The following FCHSD2 variants were observed in gnomAD, a reference collection of about 807,000 sequenced individuals.
FCHSD2 encodes the protein F-BAR and double SH3 domains protein 2.
Under a neutral mutation model 108.1 loss-of-function variants are expected in FCHSD2, and 38 were observed. The observed-to-expected ratio is 0.35, with a 90% CI of 0.27 to 0.46. The LOEUF (loss-of-function observed/expected upper bound fraction) is 0.46. Ranked by LOEUF, FCHSD2 falls within the 20% of genes least tolerant of loss-of-function variation. The probability of loss-of-function intolerance (pLI) is 1.00; values close to 1 mark genes in which losing one functional copy is unlikely to be tolerated. For synonymous variants in FCHSD2, 279 were observed against 314.7 expected (o/e 0.89, Z 1.20); for missense variants, 751 against 897.8 (o/e 0.84, Z 2.09).
Position 72,902,728 on chromosome 11 carries a change from T to A in FCHSD2, c.829-90A>T, listed in dbSNP as rs142085324. ...GTTTAAGATTTATTCTGCTATTTTC[T>A]ATACAAATGAGAAATCATCCAACAC... On this transcript the variant is annotated intron_variant, in intron 9 of 19. Transcript: ENST00000409418. 2.8e-3 allele frequency: 2,067 copies of A among 739,090 alleles called. 5 individuals are homozygous for A. Among genetic ancestry groups the A allele is most frequent in the Non-Finnish European group, 4.0e-3 (1,899 of 471,386 alleles). 45.8% of individuals were successfully genotyped at this position (739,090 alleles called of 1,614,324 possible). A position where few individuals can be genotyped will look rare whatever the true frequency, so the allele number is the denominator to read the frequency against.
At chr11:73,089,227 A>G (rs1318242089) in intron 2 of FCHSD2, among the ~76,000 whole-genome samples, 1 of 152,236 alleles carries the variant, frequency 6.6e-6, no homozygotes, top group Non-Finnish European at 1.5e-5. Flanking sequence ...ATTCTGAATC[A>G]ATGTCTCATA....
At chr11:73,030,966 G>C (rs963193135) in intron 3 of FCHSD2, among the ~76,000 whole-genome samples, 2 of 151,794 alleles carry the variant, frequency 1.3e-5, no homozygotes, top group African/African-American at 4.8e-5. Flanking sequence ...CTAAGAAACT[G>C]TAGTATACAC....
intron 3 of FCHSD2, among the ~76,000 whole-genome samples, chr11:73,047,663 A>T (rs971134117): frequency 2.0e-5 from 3 of 152,226 alleles, no homozygotes; most frequent in African/African-American, 7.2e-5. Flanking sequence ...TTCTTTCAGA[A>T]ATGGGATTAG....
chr11:72,955,495 C>T (rs911046239), intron 8 of FCHSD2, among the ~76,000 whole-genome samples: 2 of 152,082 alleles, frequency 1.3e-5, no homozygotes, highest in African/African-American at 2.4e-5. Flanking sequence ...TAATGGTGAT[C>T]AAGTCACCCT....
chr11:72,907,038 CT>C (rs1855644368), intron 9 of FCHSD2, among the ~76,000 whole-genome samples: 1 of 151,734 alleles, frequency 6.6e-6, no homozygotes, highest in South Asian at 2.1e-4. Flanking sequence ...TTTGCGTCCT[CT>C]TTTATTTCGT....
intron 5 of FCHSD2, among the ~76,000 whole-genome samples, chr11:72,990,166 G>A (rs1857384425): frequency 6.6e-6 from 1 of 151,920 alleles, no homozygotes; most frequent in Admixed American, 6.6e-5. Context: ...GAAGGAAAAG[G>A]TTAAAAAAAC....
At chr11:73,130,273 G>A (rs76640911) in intron 2 of FCHSD2, among the ~76,000 whole-genome samples, 3,286 of 152,112 alleles carry the variant, frequency 0.022, 75 homozygotes, top group African/African-American at 0.058. Flanking sequence ...TAGAGATAGG[G>A]TCTTGCTAAG....
intron 2 of FCHSD2, among the ~76,000 whole-genome samples, chr11:73,138,903 C>A (rs1278881624): frequency 6.6e-6 from 1 of 152,128 alleles, no homozygotes; most frequent in Non-Finnish European, 1.5e-5. Context: ...TGACTGCGCA[C>A]GGCCTCGCAT....
intron 12 of FCHSD2, among the ~76,000 whole-genome samples, chr11:72,876,800 C>G (rs1021958676): frequency 6.6e-6 from 1 of 152,092 alleles, no homozygotes; most frequent in Non-Finnish European, 1.5e-5. Flanking sequence ...TTGTCTAGTT[C>G]TTCTTTCAGT....
intron 2 of FCHSD2, among the ~76,000 whole-genome samples, chr11:73,116,909 G>C (rs755679255): frequency 6.7e-6 from 1 of 149,224 alleles, no homozygotes; most frequent in Non-Finnish European, 1.5e-5. Context: ...TCTTCGGTAA[G>C]AGTAATTATA....
At chr11:72,941,407 T>C (rs1382059959) in intron 8 of FCHSD2, among the ~76,000 whole-genome samples, 4 of 151,082 alleles carry the variant, frequency 2.6e-5, no homozygotes, top group South Asian at 4.1e-4. Flanking sequence ...ATAATTTTTA[T>C]ATTTATAAAA....
At chr11:73,090,264 C>T (rs1488331467) in intron 2 of FCHSD2, among the ~76,000 whole-genome samples, 5 of 124,240 alleles carry the variant, frequency 4.0e-5, no homozygotes, top group South Asian at 2.5e-4. Flanking sequence ...CTCGCTCTGT[C>T]GCCCAGGCTG....
chr11:72,870,446 A>T (rs1307880414), intron 12 of FCHSD2, among the ~76,000 whole-genome samples: 1 of 152,156 alleles, frequency 6.6e-6, no homozygotes, highest in Non-Finnish European at 1.5e-5. Context: ...AAGACTGAAT[A>T]GGCTCTACCA....
chr11:73,069,892 TC>T (rs1859392377), intron 3 of FCHSD2, among the ~76,000 whole-genome samples: 1 of 152,102 alleles, frequency 6.6e-6, no homozygotes, highest in Non-Finnish European at 1.5e-5. Flanking sequence ...AAATCACTTA[TC>T]AGATTATATA....
intron 8 of FCHSD2, among the ~76,000 whole-genome samples, chr11:72,974,240 C>T (rs962204382): frequency 1.3e-4 from 20 of 152,180 alleles, no homozygotes; most frequent in Admixed American, 2.6e-4. Flanking sequence ...CACGCTGTAT[C>T]ATCCCATGGT....
At chr11:72,841,639 G>C in intron 17 of FCHSD2, 56 bp from the exon 18 acceptor site, 4 of 1,509,318 alleles carry the variant, frequency 2.7e-6, no homozygotes, top group Non-Finnish European at 2.7e-6. Context: ...GGAGAGCCTG[G>C]CTGCTTCTCT....
chr11:72,842,317 G>A (rs1425205701), intron 17 of FCHSD2, among the ~76,000 whole-genome samples: 1 of 152,182 alleles, frequency 6.6e-6, no homozygotes, highest in East Asian at 1.9e-4. Context: ...TTCCCTCTTC[G>A]GTTTGTTTCT....
chr11:72,969,014 C>T (rs1487716552), intron 8 of FCHSD2, among the ~76,000 whole-genome samples: 1 of 152,290 alleles, frequency 6.6e-6, no homozygotes, highest in East Asian at 1.9e-4. Context: ...GATATACACA[C>T]ATATATACAT....
intron 9 of FCHSD2, among the ~76,000 whole-genome samples, chr11:72,910,281 C>T (rs536650004): frequency 6.6e-5 from 10 of 152,272 alleles, no homozygotes; most frequent in Admixed American, 1.3e-4. Context: ...AAGTGAGGAG[C>T]GCCTTTGTCC....
Sources: gnomAD v4.1 joint callset for allele counts (sites outside exome capture counted in the v4.1 genomes callset) on GRCh38, gnomAD v4.1.1 for gene constraint, MANE v1.5 for transcripts, NCBI Gene and HGNC (gene_info 2026-07-23, HGNC 2026-07-21) for gene names.